Variants in DICER1 observed in about 807,000 individuals in gnomAD.
DICER1 encodes the protein endoribonuclease Dicer.
A neutral mutation model predicts 194.1 loss-of-function variants in DICER1; 43 were observed. The ratio of observed to expected loss-of-function variants is 0.22; its 90% confidence interval spans 0.17 to 0.29. The LOEUF is 0.29. Among genes scored for constraint, DICER1 ranks in the 10% least tolerant of loss-of-function variants. The pLI is 1.00. For synonymous variants in DICER1, 832 were observed against 820.5 expected (o/e 1.01, Z -0.24); for missense variants, 1,608 against 2,317.0 (o/e 0.69, Z 6.28).
rs922372205 is a variant in DICER1 at position 95,089,438 on chromosome 14, AC to A, written c.*1059del. On this transcript the variant is annotated 3_prime_UTR_variant, in exon 27 of 27. Coordinates refer to ENST00000343455, the MANE Select transcript of DICER1 (RefSeq NM_177438.3). Reference sequence around the variant, plus strand: ...CTGTGTTTTGCTTCTTAAATAAGTAACCAATCAATTATAAAATCTGCAGCAT... The same window carrying A: ...CTGTGTTTTGCTTCTTAAATAAGTAACAATCAATTATAAAATCTGCAGCAT... 2 of 232,636 alleles carry A rather than the reference AC, an allele frequency of 8.6e-6. No homozygotes were observed. Among genetic ancestry groups the A allele is most frequent in the African/African-American group, 4.4e-5 (2 of 45,328 alleles). 14.4% of individuals were successfully genotyped at this position (232,636 alleles called of 1,614,324 possible). A position where few individuals can be genotyped will look rare whatever the true frequency, so the allele number is the denominator to read the frequency against.
At chr14:95,131,473 G>A in intron 4 of DICER1, 36 bp downstream of exon 4, 1 of 1,600,310 alleles carries the variant, frequency 6.2e-7, no homozygotes, top group Non-Finnish European at 8.6e-7. Flanking sequence ...AGAACTTGTA[G>A]GGATTTATAA....
In DICER1 at chr14:95,124,705, T is replaced by C. The variant is rs996149671; in HGVS notation, c.904-37A>G. The C allele has an allele frequency of 6.7e-7, 1 of 1,495,866 alleles. No individual in the cohort carries two copies. Among genetic ancestry groups the C allele is most frequent in the African/African-American group, 1.4e-5 (1 of 72,352 alleles). The allele number at this position is 1,495,866 out of a possible 1,614,324, so 92.7% of individuals were successfully genotyped here. A position where few individuals can be genotyped will look rare whatever the true frequency, so the allele number is the denominator to read the frequency against. On this transcript the variant is annotated intron_variant, in intron 7 of 26. Coordinates refer to ENST00000343455, the MANE Select transcript of DICER1 (RefSeq NM_177438.3). This position sits in a 1 kb window ranked among gnomAD's most constrained non-coding sequence, Gnocchi z 4.5. The stretch of plus-strand genomic sequence containing the variant: ...AGAAAAGAAAAAACCTAATGCCAAA[T>C]AATAATAATGTAGCATTTTCATGTG...
At chr14:95,147,208 T>C (rs865931188) in intron 1 of DICER1, among the ~76,000 whole-genome samples, 1 of 152,196 alleles carries the variant, frequency 6.6e-6, no homozygotes, top group African/African-American at 2.4e-5. Context: ...TTCACACCCA[T>C]AATCCCAGCA....
chr14:95,144,556 A>AT (rs778466775), intron 1 of DICER1, among the ~76,000 whole-genome samples: 20 of 152,046 alleles, frequency 1.3e-4, no homozygotes, highest in South Asian at 6.2e-4. Flanking sequence ...ACCTAGAACC[A>AT]TTTTTTTTAG....
rs983511561 is a variant in DICER1 at position 95,088,422 on chromosome 14, T to C, written c.*2076A>G. The C allele has an allele frequency of 4.3e-6, 1 of 232,482 alleles. No homozygotes were observed. The highest frequency in any genetic ancestry group is 8.5e-6 in the Non-Finnish European group (1 of 117,352). 14.4% of individuals were successfully genotyped at this position (232,482 alleles called of 1,614,324 possible). A position where few individuals can be genotyped will look rare whatever the true frequency, so the allele number is the denominator to read the frequency against. ...TAAGCTCCTGGCATCAGGTAGTTTA[T>C]AAATATTAAGAGATTTGTGATTAAA... On this transcript the variant is annotated 3_prime_UTR_variant, in exon 27 of 27. Transcript: ENST00000343455.
chr14:95,091,529 T>C, intron 24 of DICER1, 164 bp from the exon 25 acceptor site: 2 of 658,392 alleles, frequency 3.0e-6, no homozygotes, highest in Admixed American at 3.1e-5. Context: ...AAACAAATGT[T>C]ATATTTTTAA....
At chr14:95,100,408 A>G (rs1414848140) in intron 21 of DICER1, among the ~76,000 whole-genome samples, 1 of 152,240 alleles carries the variant, frequency 6.6e-6, no homozygotes, top group African/African-American at 2.4e-5. Flanking sequence ...GCACCGAACA[A>G]AACTGAAACA....
intron 1 of DICER1, among the ~76,000 whole-genome samples, chr14:95,135,919 C>T (rs950007325): frequency 2.0e-5 from 3 of 152,020 alleles, no homozygotes; most frequent in South Asian, 2.1e-4. Context: ...ATTTTTAAAA[C>T]GAGATAACAG....
chr14:95,092,019 T>C (rs1188964068), intron 24 of DICER1, among the ~76,000 whole-genome samples: 1 of 152,216 alleles, frequency 6.6e-6, no homozygotes, highest in African/African-American at 2.4e-5. Flanking sequence ...TAAGAACTTA[T>C]TTTAAGGAGG....
At chr14:95,091,825 T>C (rs188884865) in intron 24 of DICER1, among the ~76,000 whole-genome samples, 172 of 152,342 alleles carry the variant, frequency 1.1e-3, no homozygotes, top group African/African-American at 3.8e-3. Flanking sequence ...ATCGCTGTTG[T>C]AGGGAAATAG....
rs1320575070 is a variant in DICER1, at chr14:95,086,868, G to T, written c.*3630C>A. On this transcript the variant is annotated 3_prime_UTR_variant, in exon 27 of 27. Transcript: ENST00000343455. ...GTTGGAAAAATATAATTATTCAAAT[G>T]TAATTAAAACAACCATATAGGTAAT... 2.6e-5 allele frequency: 6 copies of T among 232,310 alleles called. No homozygotes were observed. Among genetic ancestry groups the T allele is most frequent in the Non-Finnish European group, 5.1e-5 (6 of 117,622 alleles). 14.4% of individuals were successfully genotyped at this position (232,310 alleles called of 1,614,324 possible). A position where few individuals can be genotyped will look rare whatever the true frequency, so the allele number is the denominator to read the frequency against.
At chr14:95,112,273 T>C in intron 12 of DICER1, 26 bp from the exon 13 acceptor site, 2 of 1,592,510 alleles carry the variant, frequency 1.3e-6, no homozygotes, top group East Asian at 2.2e-5. Flanking sequence ...ACCTTTCCAT[T>C]ATATATGCAC....
At chr14:95,111,100 C>G (rs1033879642) in intron 14 of DICER1, among the ~76,000 whole-genome samples, 1 of 152,022 alleles carries the variant, frequency 6.6e-6, no homozygotes, top group Non-Finnish European at 1.5e-5. Context: ...AGAAGAAAAA[C>G]AAAAGCAACC....
chr14:95,150,113 C>T (rs997375190), intron 1 of DICER1, among the ~76,000 whole-genome samples: 3 of 152,170 alleles, frequency 2.0e-5, no homozygotes, highest in Admixed American at 6.5e-5. Context: ...TTTTAAAGTT[C>T]TTAAAGTTAC....
At chr14:95,144,054 G>C (rs1017344944) in intron 1 of DICER1, among the ~76,000 whole-genome samples, 5 of 152,182 alleles carry the variant, frequency 3.3e-5, no homozygotes, top group Non-Finnish European at 7.4e-5. Context: ...CCTTTTCTAA[G>C]TTGTAGAGCA....
intron 6 of DICER1, 77 bp from the exon 7 acceptor site, chr14:95,126,825 AAAAAAAAAAAAGGGAATAGATACT>A: frequency 1.5e-6 from 1 of 682,968 alleles, no homozygotes; most frequent in Non-Finnish European, 2.3e-6. Context: ...CAAAAAGCAA[AAAAAAAAAAAAGGGAATAGATACT>A]AAAAAAAAAA....
chr14:95,112,750 A>G lies in DICER1; in HGVS notation c.2040+342T>C, dbSNP rs1892088039. Among the ~76,000 whole-genome samples the G allele has an allele frequency of 2.6e-5, 4 of 152,314 alleles. No individual in the cohort carries two copies. In the South Asian group the frequency reaches 8.3e-4, roughly 32 times the overall value. On this transcript the variant is annotated intron_variant, in intron 12 of 26. Transcript: ENST00000343455. ...CTATAATAAGTTTTATATTACTCTA[A>G]GTGTCTAAGCCACAGTTGAATGATT...
intron 1 of DICER1, among the ~76,000 whole-genome samples, chr14:95,156,189 G>T (rs570481247): frequency 6.6e-6 from 1 of 152,096 alleles, no homozygotes; most frequent in Non-Finnish European, 1.5e-5. Context: ...ATCCTAACCT[G>T]AGTCCTTTTC....
rs753527258 is a variant in DICER1 at position 95,096,436 on chromosome 14, G to A, written c.4484C>T (p.Ser1495Leu). ...GTAGTCAAAATCCTCAAAATCTGATGAAAATGGCATACTACCTAAGGAGGA... is the reference window on the plus strand; with the variant it reads ...GTAGTCAAAATCCTCAAAATCTGATAAAAATGGCATACTACCTAAGGAGGA... Reference protein sequence around the residue: ...KKSSLGSMPFSSDFEDFDYSS... With the variant: ...KKSSLGSMPFLSDFEDFDYSS... The change falls in exon 23 of 27, where the codon TCA becomes TTA. Residue 1495 changes from serine to leucine, a missense_variant. Ser to Leu is a moderately radical substitution (Grantham distance 145). Around this residue, in one of 10 missense-constraint regions of DICER1, gnomAD observed 164 missense variants for 183.7 expected, o/e 0.89. Transcript: ENST00000343455. 61 of 1,614,088 alleles carry A rather than the reference G, an allele frequency of 3.8e-5. No homozygotes were observed. In the Admixed American group the frequency reaches 9.8e-4, roughly 26 times the overall value.
Sources: allele counts gnomAD v4.1 joint callset (sites outside exome capture counted in the v4.1 genomes callset), GRCh38; gene constraint gnomAD v4.1.1; regional missense constraint gnomAD v4.1.1; non-coding constraint Gnocchi (gnomAD v3.1); transcripts MANE v1.5; gene names NCBI Gene and HGNC (gene_info 2026-07-23, HGNC 2026-07-21).